The following SLC45A4 variants were observed in gnomAD, a reference collection of about 807,000 sequenced individuals.
SLC45A4 encodes solute carrier family 45 member 4, also known as polyamine-transporter SLC45A4.
Under a neutral mutation model 63.7 loss-of-function variants are expected in SLC45A4, and 32 were observed. That is an observed-to-expected ratio of 0.50 (90% CI 0.38 to 0.67). The LOEUF (loss-of-function observed/expected upper bound fraction) is 0.67, where lower values mean the gene tolerates loss of function less well. SLC45A4 is among the 30% of genes least tolerant of loss of function. The pLI is 0.00. For missense variants in SLC45A4, 1,027 were observed against 1,157.7 expected, an observed-to-expected ratio of 0.89 and a Z score of 1.64; for synonymous variants, 535 against 510.0, an observed-to-expected ratio of 1.05 and a Z score of -0.66.
chr8:141,276,663 C>T (rs11993661), intron 1 of SLC45A4, among the ~76,000 whole-genome samples: 2,932 of 152,284 alleles, frequency 0.019, 94 homozygotes, highest in African/African-American at 0.067. Flanking sequence ...CACAGGTATC[C>T]ATGAGTCAGC....
At chr8:141,225,802 G>C (rs1238581089) in intron 2 of SLC45A4, 1 of 152,546 alleles carries the variant, frequency 6.6e-6, no homozygotes, top group Non-Finnish European at 1.5e-5. Context: ...TGTCCCACAG[G>C]CCCCTCCAGA....
chr8:141,217,247 G>C, intron 5 of SLC45A4, 58 bp from the exon 6 acceptor site: 1 of 1,560,690 alleles, frequency 6.4e-7, no homozygotes, highest in South Asian at 1.1e-5. Flanking sequence ...TCCAGGCCAG[G>C]AGCGTATTTC....
chr8:141,239,602 A>ACG (rs1491126981), intron 2 of SLC45A4, among the ~76,000 whole-genome samples: 2 of 151,826 alleles, frequency 1.3e-5, no homozygotes. Context: ...ACACACACGC[A>ACG]CGCACACACA....
In SLC45A4 at chr8:141,254,708, C is replaced by G. The variant is rs549464502; in HGVS notation, c.-400-79G>C. On this transcript the variant is annotated intron_variant, in intron 1 of 8. Transcript: ENST00000517878. This position sits in a 1 kb window ranked among gnomAD's most constrained non-coding sequence, Gnocchi z 4.5. ...GCCCTGTGGACCGCCGCCCGACCCC[C>G]GAGCAAGCCGTGTGCCCCGAGGGCC... 2 of 690,242 alleles carry G rather than the reference C, an allele frequency of 2.9e-6. No homozygotes were observed. Among genetic ancestry groups the G allele is most frequent in the Non-Finnish European group, 5.3e-6 (2 of 377,606 alleles). The allele number at this position is 690,242 out of a possible 1,614,324, so 42.8% of individuals were successfully genotyped here. A position where few individuals can be genotyped will look rare whatever the true frequency, so the allele number is the denominator to read the frequency against.
At chr8:141,294,593 G>A (rs958538406) in intron 1 of SLC45A4, among the ~76,000 whole-genome samples, 1 of 152,236 alleles carries the variant, frequency 6.6e-6, no homozygotes, top group South Asian at 2.1e-4. Context: ...GTGAGCAGTG[G>A]AACTGCACCA....
chr8:141,256,859 CTTTT>C lies in SLC45A4; in HGVS notation c.-400-2234_-400-2231del, dbSNP rs71504829. Reference sequence around the variant, plus strand: ...TTTTTCAAAAAACTGTGTAATGAAACTTTTTTTTTTTTTTGAGACAGTCTCGCTC... The same window carrying C: ...TTTTTCAAAAAACTGTGTAATGAAACTTTTTTTTTTGAGACAGTCTCGCTC... On this transcript the variant is annotated intron_variant, in intron 1 of 8. Coordinates refer to ENST00000517878, the MANE Select transcript of SLC45A4 (RefSeq NM_001286646.2). This position sits in a 1 kb window ranked among gnomAD's most constrained non-coding sequence, Gnocchi z 4.3. 9.7e-6 allele frequency: 3 copies of C among 308,470 alleles called. No homozygotes were observed. 19.1% of individuals were successfully genotyped at this position (308,470 alleles called of 1,614,324 possible). A position where few individuals can be genotyped will look rare whatever the true frequency, so the allele number is the denominator to read the frequency against.
At chr8:141,240,259 A>T (rs1339799385) in intron 2 of SLC45A4, among the ~76,000 whole-genome samples, 2 of 152,234 alleles carry the variant, frequency 1.3e-5, no homozygotes, top group Non-Finnish European at 2.9e-5. Context: ...AGTGGAGAGA[A>T]GTTAGGCTCT....
rs949737208 is a variant in SLC45A4 at position 141,248,739 on chromosome 8, G to C, written c.241+5250C>G. On this transcript the variant is annotated intron_variant, in intron 2 of 8. Transcript: ENST00000517878. ...ATATATAAAAAAACAAAACAGGCTA[G>C]GCCTGTAGCTCACATCTGTAATTAC... Among the ~76,000 whole-genome samples, 8 of 152,214 alleles carry C rather than the reference G, an allele frequency of 5.3e-5. No homozygotes were observed. The East Asian group carries it at 5.8e-4, about 11-fold the overall frequency.
chr8:141,265,792 C>T (rs1480539435), intron 1 of SLC45A4, among the ~76,000 whole-genome samples: 4 of 152,274 alleles, frequency 2.6e-5, no homozygotes, highest in East Asian at 1.9e-4. Flanking sequence ...TGAAACTTTT[C>T]GGGCAGATTT....
At chr8:141,307,898 C>T (rs1563689577) in intron 1 of SLC45A4, among the ~76,000 whole-genome samples, 198 bp downstream of exon 1, 1 of 150,216 alleles carries the variant, frequency 6.7e-6, no homozygotes, top group Non-Finnish European at 1.5e-5. Context: ...ATTGGGGGGC[C>T]CTGAGGAGCC....
intron 2 of SLC45A4, chr8:141,228,460 C>A (rs762474499): frequency 8.0e-6 from 11 of 1,373,136 alleles, no homozygotes; most frequent in Non-Finnish European, 1.0e-5. Context: ...TCAGGGCCGA[C>A]CCTGTGTCCA....
At position 141,254,615 on chromosome 8, in the gene SLC45A4, G is replaced by T. The variant is rs533695619; in HGVS notation, c.-386C>A. 1 of 700,582 alleles carries T rather than the reference G, an allele frequency of 1.4e-6. No individual in the cohort carries two copies. The highest frequency in any genetic ancestry group is 2.6e-6 in the Non-Finnish European group (1 of 383,866). The allele number at this position is 700,582 out of a possible 1,614,324, so 43.4% of individuals were successfully genotyped here. ...AGGTGGTCCGCTGGTAATCCCCATC[G>T]AGTGACTGGATGATCTGCAAAAGAG... is the stretch of plus-strand genomic sequence containing the variant. On this transcript the variant is annotated 5_prime_UTR_variant, in exon 2 of 9. Coordinates refer to ENST00000517878, the MANE Select transcript of SLC45A4 (RefSeq NM_001286646.2). The surrounding 1 kb of genome is among the most constrained non-coding windows in gnomAD (Gnocchi z 4.5).
intron 2 of SLC45A4, among the ~76,000 whole-genome samples, chr8:141,224,113 C>G (rs936355677): frequency 2.0e-5 from 3 of 151,686 alleles, no homozygotes; most frequent in Non-Finnish European, 4.4e-5. Context: ...AATATTTCTG[C>G]TGCACACAGA....
rs1421334100 is a variant in SLC45A4 at position 141,208,440 on chromosome 8, G to C, written c.*3132C>G. 1 of 152,184 alleles carries C rather than the reference G, an allele frequency of 6.6e-6. No individual in the cohort carries two copies. Among genetic ancestry groups the C allele is most frequent in the Non-Finnish European group, 1.5e-5 (1 of 68,082 alleles). The allele number at this position is 152,184 out of a possible 1,614,324, so 9.4% of individuals were successfully genotyped here. A position where few individuals can be genotyped will look rare whatever the true frequency, so the allele number is the denominator to read the frequency against. On this transcript the variant is annotated 3_prime_UTR_variant, in exon 9 of 9. Transcript: ENST00000517878. ...CACAGACCAAGTCCTCCACACCTGGGGCATTCAAGAAACACTCCTGATGGC... is the reference window on the plus strand; with the variant it reads ...CACAGACCAAGTCCTCCACACCTGGCGCATTCAAGAAACACTCCTGATGGC...
In SLC45A4 at chr8:141,215,811, C is replaced by T; in HGVS notation, c.1889G>A (p.Ser630Asn). ...CAGGGCGTACGGGCAGTAGGAGATGCTCATGGAGACGATGCCCATGGTGCT... is the reference window on the plus strand; with the variant it reads ...CAGGGCGTACGGGCAGTAGGAGATGTTCATGGAGACGATGCCCATGGTGCT... ...TISTMGIVSM[S>N]ISYCPYALLG... The change falls in exon 7 of 9, where the codon AGC becomes AAC. Residue 630 changes from serine to asparagine, a missense_variant. By Grantham distance (46) the Ser-to-Asn change is conservative. Transcript: ENST00000517878. This position sits in a 1 kb window ranked among gnomAD's most constrained non-coding sequence, Gnocchi z 4.3. 1 of 1,614,110 alleles carries T rather than the reference C, an allele frequency of 6.2e-7. No individual in the cohort carries two copies. The highest frequency in any genetic ancestry group is 8.5e-7 in the Non-Finnish European group (1 of 1,180,034).
At chr8:141,212,037 G>A (rs1221475955) in intron 8 of SLC45A4, 160 bp downstream of exon 8, 1 of 1,347,794 alleles carries the variant, frequency 7.4e-7, no homozygotes. Flanking sequence ...ACTGAATTGT[G>A]GCTATGGGGG....
At chr8:141,295,879 AGGCTCCCT>A (rs772396016) in intron 1 of SLC45A4, among the ~76,000 whole-genome samples, 6 of 152,202 alleles carry the variant, frequency 3.9e-5, no homozygotes, top group Non-Finnish European at 8.8e-5. Flanking sequence ...GTAAGGTCAG[AGGCTCCCT>A]GGCTTTGGTG....
Position 141,227,246 on chromosome 8 carries a change from C to A in SLC45A4, c.242-5481G>T, listed in dbSNP as rs1045306097. Among the ~76,000 whole-genome samples the A allele has an allele frequency of 6.6e-6, 1 of 152,046 alleles. No individual in the cohort carries two copies. ...GCTGTGTGAGGTCACGGGCGACGCT[C>A]GGGTCACGTGTGGCGGCTCCTGTTC... is the stretch of plus-strand genomic sequence containing the variant. On this transcript the variant is annotated intron_variant, in intron 2 of 8. Coordinates refer to ENST00000517878, the MANE Select transcript of SLC45A4 (RefSeq NM_001286646.2). The surrounding 1 kb of genome is among the most constrained non-coding windows in gnomAD (Gnocchi z 4.4).
chr8:141,214,023 A>G (rs988219168), intron 7 of SLC45A4, among the ~76,000 whole-genome samples: 13 of 152,104 alleles, frequency 8.5e-5, no homozygotes, highest in African/African-American at 2.9e-4. Context: ...CCTGGCCAAC[A>G]TGGTGAAACT....
Sources: gnomAD v4.1 joint callset for allele counts (sites outside exome capture counted in the v4.1 genomes callset) on GRCh38, gnomAD v4.1.1 for gene constraint, Gnocchi (gnomAD v3.1) non-coding constraint, MANE v1.5 for transcripts, NCBI Gene and HGNC (gene_info 2026-07-23, HGNC 2026-07-21) for gene names.